Variants in TGFBRAP1 observed in about 807,000 individuals in gnomAD.
TGFBRAP1 encodes transforming growth factor-beta receptor-associated protein 1.
TGFBRAP1 carries 20 observed loss-of-function variants against 83.2 expected under a neutral mutation model. The ratio of observed to expected loss-of-function variants is 0.24; its 90% confidence interval spans 0.17 to 0.35. The LOEUF is 0.35. Ranked by LOEUF, TGFBRAP1 falls within the 10% of genes least tolerant of loss-of-function variation. The pLI, the probability that TGFBRAP1 is intolerant of heterozygous loss-of-function variation, is 1.00. For missense variants in TGFBRAP1, 950 were observed against 1,099.4 expected (o/e 0.86, Z 1.92); for synonymous variants, 415 against 459.8 (o/e 0.90, Z 1.25).
At chr2:105,280,766 G>T (rs1677510623) in intron 5 of TGFBRAP1, 43 bp from the exon 6 acceptor site, 2 of 1,565,218 alleles carry the variant, frequency 1.3e-6, no homozygotes, top group South Asian at 1.2e-5. Flanking sequence ...AAAGAGAGAA[G>T]AGTACACATA....
At chr2:105,301,902 A>G (rs1678307407) in intron 2 of TGFBRAP1, among the ~76,000 whole-genome samples, 1 of 151,428 alleles carries the variant, frequency 6.6e-6, no homozygotes, top group Non-Finnish European at 1.5e-5. Context: ...ACACCTGGTG[A>G]GATCATATCG....
intron 11 of TGFBRAP1, chr2:105,267,997 G>T: frequency 3.4e-6 from 2 of 582,898 alleles, no homozygotes; most frequent in Non-Finnish European, 4.3e-6. Context: ...AAGTTACACA[G>T]CTAACAAGTG....
chr2:105,299,689 G>A (rs565437525), intron 2 of TGFBRAP1, among the ~76,000 whole-genome samples: 2 of 151,816 alleles, frequency 1.3e-5, no homozygotes, highest in South Asian at 4.2e-4. Context: ...GAGCCCAGAA[G>A]TTCAAAACCA....
Position 105,275,672 on chromosome 2 carries a change from T to C in TGFBRAP1, c.1553A>G (p.Gln518Arg). The C allele has an allele frequency of 6.2e-7, 1 of 1,612,740 alleles. No individual in the cohort carries two copies. Among genetic ancestry groups the C allele is most frequent in the Non-Finnish European group, 8.5e-7 (1 of 1,179,712 alleles). Residue 518 changes from glutamine to arginine, a missense_variant, in exon 8 of 12, where the codon CAG (glutamine) becomes CGG (arginine). Gln to Arg is a conservative substitution (Grantham distance 43). Transcript: ENST00000393359. ...ATACAGGTCTGAGCGTGTGGAGTCC[T>C]GGACATCGCCATTCACAATGTTCAC... is the stretch of plus-strand genomic sequence containing the variant. ...LWVNIVNGDVQDSTRSDLYEY... is the reference protein window; with the variant it reads ...LWVNIVNGDVRDSTRSDLYEY...
chr2:105,268,976 A>T (rs1185027097), intron 11 of TGFBRAP1, among the ~76,000 whole-genome samples: 1 of 152,208 alleles, frequency 6.6e-6, no homozygotes, highest in Non-Finnish European at 1.5e-5. Flanking sequence ...TGCCTGGCAC[A>T]CAGCACATGC....
chr2:105,249,645 T>C, the TGFBRAP1 span: 1 of 152,198 alleles, frequency 6.6e-6, no homozygotes, highest in Non-Finnish European at 1.5e-5. Flanking sequence ...AGATGAACTT[T>C]GCCAGGATAA....
intron 2 of TGFBRAP1, among the ~76,000 whole-genome samples, chr2:105,301,945 A>G (rs1411091439): frequency 6.7e-6 from 1 of 149,398 alleles, no homozygotes; most frequent in Non-Finnish European, 1.5e-5. Context: ...ACGGTAAAAT[A>G]TGGAAACAAA....
In TGFBRAP1 at chr2:105,273,678, C is replaced by T. The variant is rs371361028; in HGVS notation, c.1678G>A (p.Val560Ile). The T allele has an allele frequency of 2.0e-5, 33 of 1,614,096 alleles. No homozygotes were observed. The African/African-American group carries it at 3.7e-4, about 18-fold the overall frequency. Residue 560 changes from valine to isoleucine, a missense_variant, in exon 9 of 12, where the codon GTT becomes ATT. Transcript: ENST00000393359. ...TCATCCAAAGGTCTCTTGGTGAAAA[C>T]CTGAACTCCGACCTGAAAGAGGAGC... The part of the protein sequence containing the change: ...LQKSEEVGVQ[V>I]FTKRPLDEQQ...
chr2:105,317,954 A>AATGGG (rs1678936977), intron 1 of TGFBRAP1, among the ~76,000 whole-genome samples: 1 of 152,202 alleles, frequency 6.6e-6, no homozygotes, highest in Admixed American at 6.5e-5. Flanking sequence ...CATTAAATTG[A>AATGGG]CAAATATTTG....
At chr2:105,311,440 C>G (rs1426972553) in intron 1 of TGFBRAP1, among the ~76,000 whole-genome samples, 1 of 152,012 alleles carries the variant, frequency 6.6e-6, no homozygotes, top group Non-Finnish European at 1.5e-5. Context: ...AAAAACTTAG[C>G]CAGACCTGGT....
downstream of TGFBRAP1, among the ~76,000 whole-genome samples, chr2:105,260,784 T>C (rs185212222): frequency 2.3e-3 from 343 of 152,284 alleles, no homozygotes; most frequent in Non-Finnish European, 2.1e-3. Flanking sequence ...AAAAAAATAC[T>C]ATGAAAATGG....
At chr2:105,318,273 A>G (rs1378591432) in intron 1 of TGFBRAP1, among the ~76,000 whole-genome samples, 3 of 152,202 alleles carry the variant, frequency 2.0e-5, no homozygotes, top group Non-Finnish European at 4.4e-5. Context: ...ACAAGGATGA[A>G]TCTTAAGAGA....
chr2:105,324,850 G>A (rs568272959), intron 1 of TGFBRAP1, among the ~76,000 whole-genome samples: 7 of 152,272 alleles, frequency 4.6e-5, no homozygotes, highest in Admixed American at 2.6e-4. Flanking sequence ...GCCCCAGAGC[G>A]AAACTGGGCC....
At chr2:105,262,820 A>C (rs1676821058), downstream of TGFBRAP1, among the ~76,000 whole-genome samples, 1 of 152,312 alleles carries the variant, frequency 6.6e-6, no homozygotes, top group African/African-American at 2.4e-5. Context: ...GCTAAGGAAA[A>C]GTAGGCTTCA....
rs539062161 is a variant in TGFBRAP1 at position 105,298,787 on chromosome 2, G to A, written c.689-82C>T. ...CTGTAGCTATGTCTGGATGCAGACC[G>A]ACCCCTGCCCACCAGCAATTTTCCT... On this transcript the variant is annotated intron_variant, in intron 2 of 11. Coordinates refer to ENST00000393359, the MANE Select transcript of TGFBRAP1 (RefSeq NM_004257.6). The A allele has an allele frequency of 2.2e-5, 30 of 1,341,976 alleles. 1 individual carries two copies. The Middle Eastern group carries it at 1.1e-3, about 48-fold the overall frequency. The allele number at this position is 1,341,976 out of a possible 1,614,324, so 83.1% of individuals were successfully genotyped here.
the TGFBRAP1 span, among the ~76,000 whole-genome samples, chr2:105,258,851 T>C: frequency 1.3e-5 from 2 of 152,104 alleles, no homozygotes; most frequent in Non-Finnish European, 2.9e-5. Context: ...GGCACGGCCA[T>C]GGCAGTGGGA....
rs71393002 is a variant in TGFBRAP1, at chr2:105,316,420, A to AGTGTGTGT, written c.-17-8110_-17-8103dup. Among the ~76,000 whole-genome samples, 337 of 109,090 alleles carry AGTGTGTGT rather than the reference A, an allele frequency of 3.1e-3. 1 individual carries two copies. The highest frequency in any genetic ancestry group is 0.014 in the Middle Eastern group (3 of 210). The allele number at this position is 109,090 out of a possible 152,430, so 71.6% of individuals were successfully genotyped here. On this transcript the variant is annotated intron_variant, in intron 1 of 11. Transcript: ENST00000393359. ...AATACAAACTCTTACAGGTATAGGG[A>AGTGTGTGT]GTGTGTGTGTGTGTGTGTGTGTGTG...
intron 1 of TGFBRAP1, among the ~76,000 whole-genome samples, chr2:105,311,856 C>T (rs1041566417): frequency 6.6e-5 from 10 of 151,084 alleles, no homozygotes; most frequent in African/African-American, 1.7e-4. Flanking sequence ...TGCAGTGAGC[C>T]GAGATCGTAC....
At chr2:105,273,843 A>G (rs1677242767) in intron 8 of TGFBRAP1, among the ~76,000 whole-genome samples, 153 bp from the exon 9 acceptor site, 1 of 152,262 alleles carries the variant, frequency 6.6e-6, no homozygotes, top group African/African-American at 2.4e-5. Context: ...TATGTCAATC[A>G]TATCTCAATA....
Sources: allele counts gnomAD v4.1 joint callset (sites outside exome capture counted in the v4.1 genomes callset), GRCh38; gene constraint gnomAD v4.1.1; transcripts MANE v1.5; gene names NCBI Gene and HGNC (gene_info 2026-07-23, HGNC 2026-07-21).